AP3B1: variants seen among roughly 807,000 people sequenced by gnomAD.
AP3B1 encodes adaptor related protein complex 3 subunit beta 1.
A neutral mutation model predicts 132.5 loss-of-function variants in AP3B1; 61 were observed. That is an observed-to-expected ratio of 0.46 (90% CI 0.37 to 0.57). The LOEUF is 0.57. Ranked by LOEUF, AP3B1 falls within the 20% of genes least tolerant of loss-of-function variation. The pLI is 0.00. For missense variants in AP3B1, 1,120 were observed against 1,289.4 expected (o/e 0.87, Z 2.01); for synonymous variants, 388 against 438.3 (o/e 0.89, Z 1.43).
At chr5:78,088,900 A>T (rs912290407) in intron 22 of AP3B1, 47 of 156,592 alleles carry the variant, frequency 3.0e-4, no homozygotes, top group Admixed American at 2.9e-3. Flanking sequence ...CATTCTATAA[A>T]TAACATTAAA....
At chr5:78,218,078 A>T (rs1746032480) in intron 6 of AP3B1, among the ~76,000 whole-genome samples, 1 of 152,120 alleles carries the variant, frequency 6.6e-6, no homozygotes, top group Non-Finnish European at 1.5e-5. Context: ...TTAAGAAAAC[A>T]TCAAAATAAT....
intron 21 of AP3B1, among the ~76,000 whole-genome samples, chr5:78,097,608 G>A (rs1327056040): frequency 6.9e-6 from 1 of 144,240 alleles, no homozygotes; most frequent in African/African-American, 2.6e-5. Flanking sequence ...AGGGAGGTGG[G>A]GGGGTCAGCC....
intron 11 of AP3B1, among the ~76,000 whole-genome samples, chr5:78,173,656 G>T (rs1744021344): frequency 6.9e-6 from 1 of 144,736 alleles, no homozygotes; most frequent in African/African-American, 2.9e-5. Flanking sequence ...CAGGTGAGAT[G>T]TGTCTTGGGG....
Position 78,119,775 on chromosome 5 carries a change from T to A in AP3B1, c.1969-3541A>T, listed in dbSNP as rs1284937550. On this transcript the variant is annotated intron_variant, in intron 17 of 26. Transcript: ENST00000255194. ...AGTGGGAAAACACTCTGCAGGATAT[T>A]ATCCAGGAGAACTTCCCCAATCTAG... Among the ~76,000 whole-genome samples, 2 of 152,318 alleles carry A rather than the reference T, an allele frequency of 1.3e-5. 1 individual carries two copies. The highest frequency in any genetic ancestry group is 1.3e-4 in the Admixed American group (2 of 15,300).
intron 26 of AP3B1, 122 bp from the exon 27 acceptor site, chr5:78,003,177 CT>C: frequency 8.4e-7 from 1 of 1,196,982 alleles, no homozygotes; most frequent in South Asian, 1.5e-5. Flanking sequence ...TGCAGGCTCC[CT>C]ATTGCCAAAA....
At chr5:78,193,700 ATATT>A (rs1260097287) in intron 7 of AP3B1, among the ~76,000 whole-genome samples, 5 of 144,480 alleles carry the variant, frequency 3.5e-5, no homozygotes, top group African/African-American at 1.2e-4. Context: ...ATATTTTTAA[ATATT>A]TATATATTTA....
At chr5:78,132,787 T>A (rs896153963) in intron 15 of AP3B1, among the ~76,000 whole-genome samples, 5 of 152,194 alleles carry the variant, frequency 3.3e-5, no homozygotes, top group Non-Finnish European at 7.3e-5. Flanking sequence ...TGATGGTTGG[T>A]AAATGTCGAC....
At chr5:78,095,110 C>T (rs995293261) in intron 21 of AP3B1, among the ~76,000 whole-genome samples, 6 of 152,120 alleles carry the variant, frequency 3.9e-5, no homozygotes, top group Non-Finnish European at 8.8e-5. Flanking sequence ...ATCTAATTGC[C>T]AGTTTATCTG....
rs1377434534 is a variant in AP3B1, at chr5:78,175,777, T to C, written c.1095+7A>G. The C allele has an allele frequency of 6.2e-6, 10 of 1,611,992 alleles. No individual in the cohort carries two copies. The highest frequency in any genetic ancestry group is 8.5e-6 in the Non-Finnish European group (10 of 1,178,436). ...TCTCTTAAATTACGTGTTCAGAACA[T>C]ACATACCTTTCTTTGAATTGACATA... On this transcript the variant is annotated splice_region_variant and intron_variant, in intron 10 of 26. Coordinates refer to ENST00000255194, the MANE Select transcript of AP3B1 (RefSeq NM_003664.5).
At chr5:78,237,887 G>A (rs1746949295) in intron 3 of AP3B1, among the ~76,000 whole-genome samples, 1 of 152,180 alleles carries the variant, frequency 6.6e-6, no homozygotes, top group Admixed American at 6.5e-5. Context: ...ACAATGTTCT[G>A]AGAAATGCGT....
At chr5:78,126,559 A>G (rs7731602) in intron 17 of AP3B1, among the ~76,000 whole-genome samples, 42,579 of 148,910 alleles carry the variant, frequency 0.29, 6,407 homozygotes, top group Admixed American at 0.4. Flanking sequence ...AACTCTTTTG[A>G]AGAGTACTTA....
At chr5:78,038,771 T>C (rs1484942374) in intron 23 of AP3B1, among the ~76,000 whole-genome samples, 1 of 152,198 alleles carries the variant, frequency 6.6e-6, no homozygotes, top group Non-Finnish European at 1.5e-5. Context: ...AAGTAAAACA[T>C]GATGGCAATC....
At chr5:78,180,608 T>G (rs1044611448) in intron 8 of AP3B1, among the ~76,000 whole-genome samples, 1 of 151,832 alleles carries the variant, frequency 6.6e-6, no homozygotes, top group Non-Finnish European at 1.5e-5. Context: ...TTAAGATCAA[T>G]TGGTATTAAA....
chr5:78,193,007 G>T (rs1297238107), intron 7 of AP3B1, among the ~76,000 whole-genome samples: 1 of 152,192 alleles, frequency 6.6e-6, no homozygotes, highest in East Asian at 1.9e-4. Context: ...TGATTAATAT[G>T]TTCAAGGAAT....
chr5:78,068,386 A>G (rs1346239146), intron 22 of AP3B1, among the ~76,000 whole-genome samples: 2 of 151,868 alleles, frequency 1.3e-5, no homozygotes, highest in African/African-American at 4.8e-5. Context: ...GAGAAGAAGG[A>G]AGAGGAGGAG....
chr5:78,181,704 G>C (rs1483127043), intron 7 of AP3B1, 42 bp from the exon 8 acceptor site: 1 of 1,571,086 alleles, frequency 6.4e-7, no homozygotes, highest in African/African-American at 1.4e-5. Flanking sequence ...TTTAGACCTT[G>C]AGCAATCTGC....
Position 78,002,786 on chromosome 5 carries a change from G to A in AP3B1, c.*116C>T, listed in dbSNP as rs1159865656. On this transcript the variant is annotated 3_prime_UTR_variant, in exon 27 of 27. Coordinates refer to ENST00000255194, the MANE Select transcript of AP3B1 (RefSeq NM_003664.5). ...AAAGCAGGAGACAAGAATGTCAAGA[G>A]TGTATTCTACCCCCACTGCCAGATG... The A allele has an allele frequency of 3.5e-6, 4 of 1,137,826 alleles. No individual in the cohort carries two copies. Among genetic ancestry groups the A allele is most frequent in the Non-Finnish European group, 4.0e-6 (3 of 746,870 alleles). The allele number at this position is 1,137,826 out of a possible 1,614,324, so 70.5% of individuals were successfully genotyped here.
chr5:78,254,097 T>C (rs1019761302), intron 2 of AP3B1, among the ~76,000 whole-genome samples: 12 of 151,706 alleles, frequency 7.9e-5, no homozygotes, highest in African/African-American at 2.4e-4. Flanking sequence ...ATCAGCAGAA[T>C]TGATCAAGCA....
intron 22 of AP3B1, among the ~76,000 whole-genome samples, chr5:78,060,186 A>G (rs149604444): frequency 1.6e-3 from 247 of 152,330 alleles, no homozygotes; most frequent in African/African-American, 5.5e-3. Context: ...GATGTTTATA[A>G]AAGTTATACC....
Sources: allele counts gnomAD v4.1 joint callset (sites outside exome capture counted in the v4.1 genomes callset), GRCh38; gene constraint gnomAD v4.1.1; transcripts MANE v1.5; gene names NCBI Gene and HGNC (gene_info 2026-07-23, HGNC 2026-07-21).